The following BAIAP2L1 variants were observed in gnomAD, a reference collection of about 807,000 sequenced individuals.
BAIAP2L1 encodes the protein BAR/IMD domain containing adaptor protein 2 like 1.
BAIAP2L1 carries 35 observed loss-of-function variants against 66.3 expected under a neutral mutation model. The observed-to-expected ratio is 0.53, with a 90% confidence interval of 0.40 to 0.70. The LOEUF (loss-of-function observed/expected upper bound fraction) is 0.70, where lower values mean the gene tolerates loss of function less well. BAIAP2L1 is among the 30% of genes least tolerant of loss of function. BAIAP2L1 has a pLI of 0.00. For missense variants in BAIAP2L1, 622 were observed against 656.9 expected, an observed-to-expected ratio of 0.95 and a Z score of 0.58; for synonymous variants, 269 against 248.7, an observed-to-expected ratio of 1.08 and a Z score of -0.77.
chr7:98,385,484 A>C (rs1175888134), intron 1 of BAIAP2L1, among the ~76,000 whole-genome samples: 10 of 151,994 alleles, frequency 6.6e-5, no homozygotes, highest in Non-Finnish European at 1.5e-4. Context: ...GCAGTGGCGC[A>C]ATCTCTGCTC....
chr7:98,298,388 G>A (rs573984981), intron 12 of BAIAP2L1, among the ~76,000 whole-genome samples: 11 of 152,324 alleles, frequency 7.2e-5, no homozygotes, highest in African/African-American at 1.7e-4. Context: ...CGAGGCAGAC[G>A]GATCACAAGG....
intron 3 of BAIAP2L1, among the ~76,000 whole-genome samples, chr7:98,343,973 G>A (rs2115647319): frequency 6.6e-6 from 1 of 152,328 alleles, no homozygotes; most frequent in South Asian, 2.1e-4. Flanking sequence ...GAGGTCAAGA[G>A]ATCGAGACCA....
intron 1 of BAIAP2L1, among the ~76,000 whole-genome samples, chr7:98,369,368 A>G (rs1802458711): frequency 6.6e-6 from 1 of 152,154 alleles, no homozygotes; most frequent in South Asian, 2.1e-4. Context: ...CTGTAGTCCC[A>G]GCTACTCAGG....
intron 1 of BAIAP2L1, among the ~76,000 whole-genome samples, chr7:98,376,626 GC>G (rs1252848057): frequency 1.4e-5 from 2 of 138,984 alleles, no homozygotes; most frequent in Non-Finnish European, 3.0e-5. Context: ...TTCGAGACCA[GC>G]CTGACCAACA....
At chr7:98,398,321 A>G (rs1452596927) in intron 1 of BAIAP2L1, among the ~76,000 whole-genome samples, 1 of 152,168 alleles carries the variant, frequency 6.6e-6, no homozygotes, top group Non-Finnish European at 1.5e-5. Flanking sequence ...AGGGGGAAGA[A>G]CCCAATACAG....
chr7:98,324,679 C>T (rs1246668109), intron 3 of BAIAP2L1, among the ~76,000 whole-genome samples: 1 of 151,988 alleles, frequency 6.6e-6, no homozygotes, highest in Non-Finnish European at 1.5e-5. Flanking sequence ...GAGACCTCCA[C>T]CATCTCTACA....
rs962616319 is a variant in BAIAP2L1, at chr7:98,383,440, C to T, written c.51+17362G>A. The stretch of plus-strand genomic sequence containing the variant: ...CTGGGATTCCAGGCATGCGCCACCA[C>T]GCTTGGCTAATTATTTTTGTATTTT... On this transcript the variant is annotated intron_variant, in intron 1 of 13. Coordinates refer to ENST00000005260, the MANE Select transcript of BAIAP2L1 (RefSeq NM_018842.5). Among the ~76,000 whole-genome samples, 14 of 152,018 alleles carry T rather than the reference C, an allele frequency of 9.2e-5. No homozygotes were observed. The East Asian group carries it at 1.2e-3, about 13-fold the overall frequency.
chr7:98,385,766 T>A, intron 1 of BAIAP2L1: 2 of 1,459,546 alleles, frequency 1.4e-6, no homozygotes, highest in Non-Finnish European at 1.9e-6. Flanking sequence ...ATAGCACTCT[T>A]TATTTGCCAC....
chr7:98,293,679 C>T, intron 13 of BAIAP2L1, 83 bp from the exon 14 acceptor site: 3 of 1,365,660 alleles, frequency 2.2e-6, no homozygotes, highest in Admixed American at 1.7e-5. Flanking sequence ...CCCGTTCTTG[C>T]CCTGTGAGAC....
intron 1 of BAIAP2L1, among the ~76,000 whole-genome samples, chr7:98,371,833 C>T (rs1351403898): frequency 6.6e-6 from 1 of 150,838 alleles, no homozygotes; most frequent in African/African-American, 2.4e-5. Flanking sequence ...CTCGCTCTGT[C>T]ACCCAGGCTG....
At chr7:98,364,695 C>T (rs1234559016) in intron 1 of BAIAP2L1, among the ~76,000 whole-genome samples, 1 of 152,052 alleles carries the variant, frequency 6.6e-6, no homozygotes, top group Non-Finnish European at 1.5e-5. Context: ...TTTAAGACAT[C>T]ACTTGGTCAG....
intron 1 of BAIAP2L1, among the ~76,000 whole-genome samples, chr7:98,383,325 C>T (rs1802804524): frequency 1.3e-5 from 2 of 148,822 alleles, no homozygotes; most frequent in Admixed American, 6.7e-5. Context: ...TTCTTGTTGA[C>T]CAGGCTGGAG....
Position 98,293,094 on chromosome 7 carries a change from T to A in BAIAP2L1, c.*427A>T. 1.9e-6 allele frequency: 1 copy of A among 526,880 alleles called. No individual in the cohort carries two copies. The highest frequency in any genetic ancestry group is 2.5e-6 in the Non-Finnish European group (1 of 393,544). 32.6% of individuals were successfully genotyped at this position (526,880 alleles called of 1,614,324 possible). Reference sequence around the variant, plus strand: ...TGCTAAGATGCAAACTTACGTGATATCTTCTTTAGACATAATGCTATTAAG... The same window carrying A: ...TGCTAAGATGCAAACTTACGTGATAACTTCTTTAGACATAATGCTATTAAG... On this transcript the variant is annotated 3_prime_UTR_variant, in exon 14 of 14. Transcript: ENST00000005260.
chr7:98,304,311 G>A lies in BAIAP2L1; in HGVS notation c.1307C>T (p.Pro436Leu), dbSNP rs763264973. The change falls in exon 12 of 14, where the codon CCA (proline) becomes CTA (leucine). Residue 436 changes from proline (P) to leucine (L), a missense_variant. Coordinates refer to ENST00000005260, the MANE Select transcript of BAIAP2L1 (RefSeq NM_018842.5). The stretch of plus-strand genomic sequence containing the variant: ...GGACAAGCATTCCAAGTAGTCGGGT[G>A]GGGGGATGACAACACTGCTATTCTC... ...LSENSSVVIP[P>L]PDYLECLSMG... 3.1e-6 allele frequency: 5 copies of A among 1,611,192 alleles called. No homozygotes were observed. The highest frequency in any genetic ancestry group is 1.3e-5 in the African/African-American group (1 of 74,902).
intron 3 of BAIAP2L1, among the ~76,000 whole-genome samples, chr7:98,347,708 G>A (rs908961814): frequency 1.3e-5 from 2 of 152,008 alleles, no homozygotes; most frequent in Admixed American, 6.6e-5. Flanking sequence ...CCGGGAAGCG[G>A]AGCGTGCAGT....
chr7:98,293,694 C>T (rs1031251453), intron 13 of BAIAP2L1, 98 bp from the exon 14 acceptor site: 15 of 1,183,700 alleles, frequency 1.3e-5, no homozygotes, highest in Middle Eastern at 2.5e-4. Flanking sequence ...TGAGACTGGG[C>T]GGCTGACCAC....
intron 3 of BAIAP2L1, among the ~76,000 whole-genome samples, chr7:98,343,246 A>T (rs1369311014): frequency 4.4e-4 from 38 of 85,658 alleles, no homozygotes; most frequent in African/African-American, 1.7e-3. Context: ...GGAAAAAAAA[A>T]ATACACACAC....
intron 12 of BAIAP2L1, among the ~76,000 whole-genome samples, chr7:98,298,660 T>C (rs896799203): frequency 1.3e-5 from 2 of 152,092 alleles, no homozygotes; most frequent in African/African-American, 4.8e-5. Flanking sequence ...CTCTCATGGA[T>C]CCCAGTGTTT....
In BAIAP2L1 at chr7:98,365,372, C is replaced by T. The variant is rs187530096; in HGVS notation, c.52-2940G>A. 1.0e-3 allele frequency among the ~76,000 whole-genome samples: 158 copies of T among 152,200 alleles called. 1 individual carries two copies. The highest frequency in any genetic ancestry group is 9.4e-3 in the Admixed American group (143 of 15,272). On this transcript the variant is annotated intron_variant, in intron 1 of 13. Coordinates refer to ENST00000005260, the MANE Select transcript of BAIAP2L1 (RefSeq NM_018842.5). ...CACTTTCAGTAGTTTTGTTCTATAACGCTAACAGATATCCTCAACTTTATG... is the reference window on the plus strand; with the variant it reads ...CACTTTCAGTAGTTTTGTTCTATAATGCTAACAGATATCCTCAACTTTATG...
Sources: allele counts gnomAD v4.1 joint callset (sites outside exome capture counted in the v4.1 genomes callset), GRCh38; gene constraint gnomAD v4.1.1; transcripts MANE v1.5; gene names NCBI Gene and HGNC (gene_info 2026-07-23, HGNC 2026-07-21).